The following SGCD variants were observed in gnomAD, a reference collection of about 807,000 sequenced individuals.
SGCD encodes the protein delta-sarcoglycan.
Under a neutral mutation model 36.6 loss-of-function variants are expected in SGCD, and 18 were observed. The observed-to-expected ratio is 0.49, with a 90% CI of 0.34 to 0.73. SGCD has a LOEUF of 0.73. SGCD is among the 30% of genes least tolerant of loss of function. The pLI is 0.01. For missense variants in SGCD, 387 were observed against 346.7 expected (o/e 1.12, Z -0.92); for synonymous variants, 133 against 130.6 (o/e 1.02, Z -0.12).
chr5:155,892,961 G>A (rs553705403), intron 1 of SGCD, among the ~76,000 whole-genome samples: 134 of 152,326 alleles, frequency 8.8e-4, no homozygotes, highest in African/African-American at 3.0e-3. Flanking sequence ...AAGAATAATG[G>A]CGGTGGTTTG....
At chr5:156,029,105 T>G (rs1255034704) in intron 1 of SGCD, among the ~76,000 whole-genome samples, 2 of 152,126 alleles carry the variant, frequency 1.3e-5, no homozygotes, top group African/African-American at 4.8e-5. Context: ...CTGCTTTGAA[T>G]TTGAATACAA....
Position 156,024,115 on chromosome 5 carries a change from C to T in SGCD, c.-281-93763C>T, listed in dbSNP as rs539799778. On this transcript the variant is annotated intron_variant, in intron 1 of 9. Transcript: ENST00000517913. Reference sequence around the variant, plus strand: ...GTTCCAAGGATGGCAGCGTAAGTATCGGAAGGTATAGGAAGCTGAGTCATT... The same window carrying T: ...GTTCCAAGGATGGCAGCGTAAGTATTGGAAGGTATAGGAAGCTGAGTCATT... Among the ~76,000 whole-genome samples, 15 of 152,162 alleles carry T rather than the reference C, an allele frequency of 9.9e-5. No individual in the cohort carries two copies. In the South Asian group the frequency reaches 1.0e-3, roughly 11 times the overall value.
chr5:156,545,833 A>G (rs77001898), intron 4 of SGCD, among the ~76,000 whole-genome samples: 3,018 of 152,294 alleles, frequency 0.02, 30 homozygotes, highest in Non-Finnish European at 0.029. Flanking sequence ...CGGGAAGCCC[A>G]ATACTGGGGA....
intron 1 of SGCD, among the ~76,000 whole-genome samples, chr5:155,966,078 A>G (rs932409909): frequency 6.6e-6 from 1 of 152,116 alleles, no homozygotes; most frequent in African/African-American, 2.4e-5. Context: ...TTAAAATAGA[A>G]TGCACTCATT....
In SGCD at chr5:156,763,425, T is replaced by C. The variant is rs1757532271; in HGVS notation, c.*4035T>C. 1 of 152,598 alleles carries C rather than the reference T, an allele frequency of 6.6e-6. No homozygotes were observed. Among genetic ancestry groups the C allele is most frequent in the African/African-American group, 2.4e-5 (1 of 41,442 alleles). 9.5% of individuals were successfully genotyped at this position (152,598 alleles called of 1,614,324 possible). A position where few individuals can be genotyped will look rare whatever the true frequency, so the allele number is the denominator to read the frequency against. On this transcript the variant is annotated 3_prime_UTR_variant, in exon 9 of 9. Transcript: ENST00000337851. ...TGAGACCAACAAATAATTGGAAGTA[T>C]TGGAAAAAGCAAAATACATGGGGAC...
chr5:156,610,991 AG>A (rs1761775291), intron 6 of SGCD, among the ~76,000 whole-genome samples: 1 of 152,248 alleles, frequency 6.6e-6, no homozygotes, highest in South Asian at 2.1e-4. Context: ...TGCGCTTCCC[AG>A]GTGAGGCGAT....
intron 1 of SGCD, among the ~76,000 whole-genome samples, chr5:155,911,319 G>GTATA (rs1554103851): frequency 8.3e-4 from 118 of 141,436 alleles, no homozygotes; most frequent in African/African-American, 2.2e-3. Flanking sequence ...GTGTGTGTGT[G>GTATA]TATATATATA....
chr5:156,687,371 A>G (rs1282226118), intron 7 of SGCD, among the ~76,000 whole-genome samples: 1 of 152,152 alleles, frequency 6.6e-6, no homozygotes, highest in Non-Finnish European at 1.5e-5. Flanking sequence ...CTTGCTTCCC[A>G]TCTTTTCATT....
At chr5:156,491,472 C>T (rs1053375632) in intron 3 of SGCD, among the ~76,000 whole-genome samples, 1 of 152,058 alleles carries the variant, frequency 6.6e-6, no homozygotes, top group African/African-American at 2.4e-5. Context: ...AATAGCATGA[C>T]ATTCTTATAA....
chr5:156,674,451 G>A (rs1222330029), intron 7 of SGCD, among the ~76,000 whole-genome samples: 2 of 152,152 alleles, frequency 1.3e-5, no homozygotes, highest in Non-Finnish European at 2.9e-5. Context: ...AGTGAGAGGG[G>A]CAGAGACAAA....
chr5:156,509,424 CA>C (rs796792343), intron 4 of SGCD, among the ~76,000 whole-genome samples: 8 of 149,138 alleles, frequency 5.4e-5, no homozygotes, highest in South Asian at 2.1e-4. Flanking sequence ...GGCTCCATCT[CA>C]AAAAAAAAAT....
At chr5:155,836,440 C>T in the SGCD span, among the ~76,000 whole-genome samples, 1 of 151,738 alleles carries the variant, frequency 6.6e-6, no homozygotes, top group Non-Finnish European at 1.5e-5. Flanking sequence ...GTTATGGGGC[C>T]ACCTTGGAAC....
At chr5:156,716,249 A>G (rs1755216781) in intron 7 of SGCD, among the ~76,000 whole-genome samples, 1 of 152,174 alleles carries the variant, frequency 6.6e-6, no homozygotes, top group Non-Finnish European at 1.5e-5. Flanking sequence ...TGATGTGCTT[A>G]CCCTTGTCAG....
chr5:156,360,021 C>A (rs568716270), intron 3 of SGCD, among the ~76,000 whole-genome samples: 4 of 152,244 alleles, frequency 2.6e-5, no homozygotes, highest in South Asian at 2.1e-4. Flanking sequence ...TTGCCCTGAT[C>A]CCATAGTGCA....
chr5:156,405,387 A>G (rs1322909121), intron 3 of SGCD, among the ~76,000 whole-genome samples: 1 of 152,188 alleles, frequency 6.6e-6, no homozygotes, highest in East Asian at 1.9e-4. Context: ...TTTGGATGGT[A>G]GAATATTCTT....
intron 3 of SGCD, among the ~76,000 whole-genome samples, chr5:156,276,605 A>G (rs1766323996): frequency 6.6e-6 from 1 of 152,186 alleles, no homozygotes; most frequent in Admixed American, 6.5e-5. Context: ...TATTTTCTTA[A>G]TGGTGACATA....
intron 3 of SGCD, among the ~76,000 whole-genome samples, chr5:156,426,095 C>G (rs1661828480): frequency 6.6e-6 from 1 of 152,042 alleles, no homozygotes; most frequent in African/African-American, 2.4e-5. Context: ...ATTGCTAGGT[C>G]AAATGATAGT....
chr5:156,402,134 G>A (rs186819565), intron 3 of SGCD, among the ~76,000 whole-genome samples: 17 of 152,256 alleles, frequency 1.1e-4, no homozygotes, highest in Admixed American at 1.0e-3. Context: ...TCCATTGTAC[G>A]TAGACACAAC....
chr5:156,450,756 C>T (rs1400001989), intron 3 of SGCD, among the ~76,000 whole-genome samples: 1 of 151,814 alleles, frequency 6.6e-6, no homozygotes, highest in Non-Finnish European at 1.5e-5. Context: ...TAAATGAAAA[C>T]TAATTAAGAG....
Sources: gnomAD v4.1 joint callset for allele counts (sites outside exome capture counted in the v4.1 genomes callset) on GRCh38, gnomAD v4.1.1 for gene constraint, MANE v1.5 for transcripts, NCBI Gene and HGNC (gene_info 2026-07-23, HGNC 2026-07-21) for gene names.